Variants in CTNNA3 observed in about 807,000 individuals in gnomAD.
CTNNA3 encodes the protein catenin alpha-3.
A neutral mutation model predicts 95.7 loss-of-function variants in CTNNA3; 76 were observed. The observed-to-expected ratio is 0.79, with a 90% confidence interval of 0.66 to 0.96. The LOEUF is 0.96. CTNNA3 is among the 40% of genes least tolerant of loss of function. The probability of loss-of-function intolerance (pLI) is 0.00; values close to 1 mark genes in which losing one functional copy is unlikely to be tolerated. For synonymous variants in CTNNA3, 431 were observed against 374.4 expected, an observed-to-expected ratio of 1.15 and a Z score of -1.74; for missense variants, 1,191 against 1,089.8, an observed-to-expected ratio of 1.09 and a Z score of -1.31.
intron 9 of CTNNA3, among the ~76,000 whole-genome samples, chr10:66,655,264 C>A (rs1307011572): frequency 6.6e-6 from 1 of 151,950 alleles, no homozygotes; most frequent in Non-Finnish European, 1.5e-5. Context: ...AGAATAGTTA[C>A]CTCTTTAAAG....
intron 2 of CTNNA3, among the ~76,000 whole-genome samples, chr10:67,608,435 AT>A (rs1229440498): frequency 6.6e-6 from 1 of 152,084 alleles, no homozygotes; most frequent in African/African-American, 2.4e-5. Flanking sequence ...AAAGTTCTGT[AT>A]TTTTTATATG....
At chr10:67,421,444 A>G (rs1200609427) in intron 5 of CTNNA3, among the ~76,000 whole-genome samples, 1 of 152,144 alleles carries the variant, frequency 6.6e-6, no homozygotes, top group Non-Finnish European at 1.5e-5. Context: ...TAACATCCTC[A>G]TAGATTGTAT....
At chr10:67,469,402 A>G (rs1847730514) in intron 5 of CTNNA3, among the ~76,000 whole-genome samples, 1 of 152,194 alleles carries the variant, frequency 6.6e-6, no homozygotes, top group Non-Finnish European at 1.5e-5. Context: ...TCTGAAAAAC[A>G]TATGCATGTT....
chr10:67,104,717 G>A (rs1018231015), intron 7 of CTNNA3, among the ~76,000 whole-genome samples: 3 of 151,834 alleles, frequency 2.0e-5, no homozygotes, highest in African/African-American at 7.2e-5. Flanking sequence ...CACAGGATCT[G>A]AACATATAGC....
At chr10:67,025,149 A>G (rs2133087856) in intron 7 of CTNNA3, among the ~76,000 whole-genome samples, 1 of 148,360 alleles carries the variant, frequency 6.7e-6, no homozygotes, top group East Asian at 1.9e-4. Context: ...AAAAAAAAAG[A>G]AAGAAAGGAA....
chr10:66,535,308 A>G (rs10822842), intron 10 of CTNNA3, among the ~76,000 whole-genome samples: 16,521 of 152,164 alleles, frequency 0.11, 1,644 homozygotes, highest in East Asian at 0.56. Flanking sequence ...AGTGTTATTT[A>G]TTTTGTTCAG....
At chr10:66,597,005 C>A (rs1342162516) in intron 10 of CTNNA3, among the ~76,000 whole-genome samples, 2 of 150,552 alleles carry the variant, frequency 1.3e-5, no homozygotes, top group African/African-American at 4.9e-5. Flanking sequence ...TAAAAAAGAA[C>A]AAGACAAATT....
intron 1 of CTNNA3, among the ~76,000 whole-genome samples, chr10:67,754,151 C>T (rs1204571499): frequency 2.0e-5 from 3 of 152,104 alleles, no homozygotes; most frequent in Admixed American, 2.0e-4. Context: ...GGAACAAGAT[C>T]GTGACCTTTG....
At chr10:66,376,620 ATACTT>A (rs759188486) in intron 12 of CTNNA3, among the ~76,000 whole-genome samples, 15 of 152,302 alleles carry the variant, frequency 9.8e-5, no homozygotes, top group Non-Finnish European at 1.6e-4. Flanking sequence ...ATTTATGACA[ATACTT>A]TAAGGCAAAC....
chr10:67,002,724 A>C (rs1208495447), intron 7 of CTNNA3, among the ~76,000 whole-genome samples: 2 of 152,050 alleles, frequency 1.3e-5, no homozygotes, highest in Non-Finnish European at 2.9e-5. Flanking sequence ...CTAAGTTACC[A>C]AGCAGAATTT....
chr10:67,371,016 G>A (rs1168668913), intron 5 of CTNNA3, among the ~76,000 whole-genome samples: 4 of 150,840 alleles, frequency 2.7e-5, no homozygotes, highest in South Asian at 2.1e-4. Flanking sequence ...ACAGGCGCCC[G>A]CCGCTACGCC....
intron 1 of CTNNA3, among the ~76,000 whole-genome samples, chr10:67,663,575 G>A (rs550181628): frequency 1.2e-3 from 186 of 151,932 alleles, no homozygotes; most frequent in African/African-American, 4.3e-3. Context: ...AGGCTGGGAG[G>A]GGCTGCCGCA....
At chr10:66,343,291 A>C (rs568997370) in intron 12 of CTNNA3, among the ~76,000 whole-genome samples, 2 of 152,236 alleles carry the variant, frequency 1.3e-5, no homozygotes, top group African/African-American at 4.8e-5. Context: ...TTATTGTGTC[A>C]TTAATCACAA....
chr10:66,759,165 G>T (rs12247123), intron 9 of CTNNA3, among the ~76,000 whole-genome samples: 2 of 152,100 alleles, frequency 1.3e-5, no homozygotes, highest in Admixed American at 1.3e-4. Context: ...GAAGATTCAG[G>T]TGATCTCTTT....
chr10:66,387,510 G>T (rs995258258), intron 11 of CTNNA3, among the ~76,000 whole-genome samples: 1 of 152,084 alleles, frequency 6.6e-6, no homozygotes, highest in African/African-American at 2.4e-5. Context: ...GTGTAAATTG[G>T]TTCAACCATT....
chr10:66,651,843 G>C (rs1845917858), intron 9 of CTNNA3, among the ~76,000 whole-genome samples: 1 of 109,890 alleles, frequency 9.1e-6, no homozygotes, highest in South Asian at 3.2e-4. Flanking sequence ...CTCCCCACAA[G>C]GAAAGGGAGC....
At chr10:66,575,958 T>A (rs1842991311) in intron 10 of CTNNA3, among the ~76,000 whole-genome samples, 1 of 152,032 alleles carries the variant, frequency 6.6e-6, no homozygotes, top group Non-Finnish European at 1.5e-5. Flanking sequence ...AATAACTGTG[T>A]GTTTGGCTGT....
intron 15 of CTNNA3, among the ~76,000 whole-genome samples, chr10:66,010,821 A>G (rs1425912620): frequency 6.6e-6 from 1 of 152,206 alleles, no homozygotes; most frequent in Non-Finnish European, 1.5e-5. Context: ...AAATGTAAGC[A>G]TTCAGTCAAG....
At chr10:66,743,274 A>G (rs1849387218) in intron 9 of CTNNA3, among the ~76,000 whole-genome samples, 2 of 152,338 alleles carry the variant, frequency 1.3e-5, no homozygotes, top group South Asian at 4.1e-4. Context: ...ATGTAGATAC[A>G]GAATAGTACC....
Sources: gnomAD v4.1 joint callset for allele counts (sites outside exome capture counted in the v4.1 genomes callset) on GRCh38, gnomAD v4.1.1 for gene constraint, MANE v1.5 for transcripts, NCBI Gene and HGNC (gene_info 2026-07-23, HGNC 2026-07-21) for gene names.